Variants in PRKG1 observed in about 807,000 individuals in gnomAD.
PRKG1 encodes the protein protein kinase cGMP-dependent 1.
A neutral mutation model predicts 88.1 loss-of-function variants in PRKG1; 35 were observed. The observed-to-expected ratio is 0.40, with a 90% CI of 0.30 to 0.53. The LOEUF (loss-of-function observed/expected upper bound fraction) is 0.53, where lower values mean the gene tolerates loss of function less well. PRKG1 is among the 20% of genes least tolerant of loss of function. The probability of loss-of-function intolerance (pLI) is 0.59; values close to 1 mark genes in which losing one functional copy is unlikely to be tolerated. For synonymous variants in PRKG1, 303 were observed against 292.5 expected, an observed-to-expected ratio of 1.04 and a Z score of -0.37; for missense variants, 540 against 839.8, an observed-to-expected ratio of 0.64 and a Z score of 4.41.
intron 9 of PRKG1, among the ~76,000 whole-genome samples, chr10:52,169,506 C>T (rs1370303399): frequency 1.3e-5 from 2 of 152,124 alleles, no homozygotes; most frequent in African/African-American, 2.4e-5. Context: ...CCTCCTGGCA[C>T]CATCACGATG....
intron 1 of PRKG1, among the ~76,000 whole-genome samples, chr10:51,055,599 A>T (rs967665312): frequency 2.7e-5 from 4 of 150,906 alleles, no homozygotes; most frequent in Admixed American, 2.0e-4. Flanking sequence ...ATTAGCTGGG[A>T]GTGGTGGTGG....
intron 7 of PRKG1, among the ~76,000 whole-genome samples, chr10:52,124,945 C>G (rs906813031): frequency 3.9e-5 from 6 of 152,120 alleles, no homozygotes; most frequent in Non-Finnish European, 8.8e-5. Context: ...CAATAACACA[C>G]ATGGAGCTGT....
chr10:51,592,710 C>T (rs2132210760), intron 3 of PRKG1, among the ~76,000 whole-genome samples: 1 of 152,288 alleles, frequency 6.6e-6, no homozygotes, highest in Admixed American at 6.5e-5. Context: ...AGTGCACATT[C>T]TGGCATTCTG....
At chr10:51,550,832 C>A (rs1430476401) in intron 3 of PRKG1, among the ~76,000 whole-genome samples, 2 of 151,872 alleles carry the variant, frequency 1.3e-5, no homozygotes, top group Non-Finnish European at 2.9e-5. Flanking sequence ...CAAAATTGAT[C>A]ATGCCAAGTA....
intron 7 of PRKG1, among the ~76,000 whole-genome samples, chr10:52,106,726 T>TAATAAG (rs1847433792): frequency 6.8e-6 from 1 of 147,856 alleles, no homozygotes; most frequent in Non-Finnish European, 1.5e-5. Flanking sequence ...ATAATAATAA[T>TAATAAG]AATAATAATA....
intron 4 of PRKG1, among the ~76,000 whole-genome samples, chr10:51,870,039 T>A: frequency 6.6e-6 from 1 of 152,200 alleles, no homozygotes. Context: ...TAGTGTTTCA[T>A]TGCATTCTCT....
At chr10:51,054,573 T>C (rs1191101849) in intron 1 of PRKG1, among the ~76,000 whole-genome samples, 2 of 152,116 alleles carry the variant, frequency 1.3e-5, no homozygotes, top group African/African-American at 4.8e-5. Flanking sequence ...TATTATAACC[T>C]TAGGGGGGTC....
chr10:51,696,657 T>C (rs1216725091), intron 3 of PRKG1: 1 of 151,384 alleles, frequency 6.6e-6, no homozygotes, highest in Non-Finnish European at 1.5e-5. Context: ...CAGTCCTTAA[T>C]TTCTCAGGTA....
chr10:51,445,399 AAGTT>A (rs3062370), intron 2 of PRKG1, among the ~76,000 whole-genome samples: 19,969 of 151,872 alleles, frequency 0.13, 1,643 homozygotes, highest in Admixed American at 0.24. Flanking sequence ...ATGTTAATAA[AAGTT>A]AGCCTTTGAT....
rs184961678 is a variant in PRKG1 at position 52,183,154 on chromosome 10, C to T, written c.1076+21191C>T. Among the ~76,000 whole-genome samples, 534 of 152,220 alleles carry T rather than the reference C, an allele frequency of 3.5e-3. 3 individuals are homozygous for T. The highest frequency in any genetic ancestry group is 0.012 in the African/African-American group (502 of 41,534). ...ATGGCCCAAACACCTCTCACTAGAC[C>T]CCACCTCCAACATTGGAGGTCACAT... is the stretch of plus-strand genomic sequence containing the variant. On this transcript the variant is annotated intron_variant, in intron 9 of 17. Coordinates refer to ENST00000373980, the MANE Select transcript of PRKG1 (RefSeq NM_006258.4).
intron 10 of PRKG1, among the ~76,000 whole-genome samples, chr10:52,258,256 T>A (rs1291450951): frequency 7.2e-6 from 1 of 139,228 alleles, no homozygotes; most frequent in African/African-American, 2.5e-5. Context: ...ACTGGGCATG[T>A]CTTTCCAAAG....
intron 6 of PRKG1, 61 bp downstream of exon 6, chr10:52,054,622 C>A: frequency 1.4e-6 from 2 of 1,401,372 alleles, no homozygotes; most frequent in Non-Finnish European, 2.0e-6. Context: ...GTTAGTAACT[C>A]CAGTAGGAAC....
chr10:51,246,740 C>T (rs1422249256), intron 2 of PRKG1, among the ~76,000 whole-genome samples: 1 of 151,896 alleles, frequency 6.6e-6, no homozygotes, highest in Non-Finnish European at 1.5e-5. Context: ...TGTCAACTGG[C>T]AGAACCTTGG....
chr10:51,389,610 A>G (rs1310862265), intron 2 of PRKG1, among the ~76,000 whole-genome samples: 2 of 152,174 alleles, frequency 1.3e-5, no homozygotes, highest in Non-Finnish European at 2.9e-5. Context: ...GTCCTTGGCC[A>G]ACTTAGTTAA....
intron 2 of PRKG1, among the ~76,000 whole-genome samples, chr10:51,439,129 C>T (rs535800981): frequency 1.3e-5 from 2 of 151,820 alleles, no homozygotes; most frequent in East Asian, 3.9e-4. Flanking sequence ...TTCGCCCCCC[C>T]TTACGAACAT....
intron 2 of PRKG1, among the ~76,000 whole-genome samples, chr10:51,453,473 C>T (rs1021888060): frequency 6.6e-6 from 1 of 151,956 alleles, no homozygotes; most frequent in East Asian, 1.9e-4. Context: ...CCCCTTAGCA[C>T]TTCTTTTGCT....
chr10:51,671,406 A>G (rs557146734), intron 3 of PRKG1, among the ~76,000 whole-genome samples: 2 of 152,254 alleles, frequency 1.3e-5, no homozygotes, highest in South Asian at 2.1e-4. Flanking sequence ...CAGGGCCATG[A>G]TCCCTCTGTA....
At chr10:51,958,546 CTT>C (rs754914836) in intron 5 of PRKG1, among the ~76,000 whole-genome samples, 5 of 92,842 alleles carry the variant, frequency 5.4e-5, no homozygotes, top group African/African-American at 1.3e-4. Context: ...ATTGTTGTTC[CTT>C]TTTTTTTTTT....
At chr10:51,946,862 C>G (rs1204068635) in intron 5 of PRKG1, among the ~76,000 whole-genome samples, 4 of 151,996 alleles carry the variant, frequency 2.6e-5, no homozygotes, top group African/African-American at 7.3e-5. Context: ...AGGTGTCAGT[C>G]TACCCCTACT....
Sources: gnomAD v4.1 joint callset for allele counts (sites outside exome capture counted in the v4.1 genomes callset) on GRCh38, gnomAD v4.1.1 for gene constraint, MANE v1.5 for transcripts, NCBI Gene and HGNC (gene_info 2026-07-23, HGNC 2026-07-21) for gene names.